ROR1: variants seen among roughly 807,000 people sequenced by gnomAD.
ROR1 encodes the protein inactive tyrosine-protein kinase transmembrane receptor ROR1.
In ROR1, 19 loss-of-function variants were observed where a neutral mutation model predicts 78.8. That is an observed-to-expected ratio of 0.24 (90% CI 0.17 to 0.35). ROR1 has a LOEUF of 0.35. Ranked by LOEUF, ROR1 falls within the 10% of genes least tolerant of loss-of-function variation. The pLI is 1.00. For missense variants in ROR1, 917 were observed against 1,177.8 expected (o/e 0.78, Z 3.24); for synonymous variants, 386 against 433.6 (o/e 0.89, Z 1.36).
chr1:63,840,143 C>G (rs967413433), intron 1 of ROR1, among the ~76,000 whole-genome samples: 1 of 152,138 alleles, frequency 6.6e-6, no homozygotes, highest in Non-Finnish European at 1.5e-5. Flanking sequence ...GGATTTTGTG[C>G]ATCCATCCAT....
At chr1:63,776,189 T>C (rs1461549178) in intron 1 of ROR1, among the ~76,000 whole-genome samples, 1 of 152,232 alleles carries the variant, frequency 6.6e-6, no homozygotes, top group Admixed American at 6.5e-5. Context: ...CTTTCAACAA[T>C]AGTTGCTTTT....
chr1:64,020,449 G>T (rs1418913777), intron 2 of ROR1, among the ~76,000 whole-genome samples: 1 of 152,150 alleles, frequency 6.6e-6, no homozygotes, highest in Non-Finnish European at 1.5e-5. Flanking sequence ...CTTCCCTTTG[G>T]ATACTCTACA....
At chr1:63,922,461 T>G (rs914930142) in intron 1 of ROR1, among the ~76,000 whole-genome samples, 2 of 152,198 alleles carry the variant, frequency 1.3e-5, no homozygotes, top group Non-Finnish European at 1.5e-5. Flanking sequence ...GTTCACTTTG[T>G]GCAGGTTATT....
intron 1 of ROR1, among the ~76,000 whole-genome samples, chr1:63,860,990 T>G (rs1645178403): frequency 6.6e-6 from 1 of 152,176 alleles, no homozygotes; most frequent in Non-Finnish European, 1.5e-5. Context: ...CATCCTTCCC[T>G]TCTCTTGACA....
At chr1:63,828,790 T>C (rs1644970026) in intron 1 of ROR1, among the ~76,000 whole-genome samples, 3 of 152,244 alleles carry the variant, frequency 2.0e-5, no homozygotes, top group Non-Finnish European at 4.4e-5. Context: ...AAGATGCAGC[T>C]GTTCCTCTCC....
intron 1 of ROR1, among the ~76,000 whole-genome samples, chr1:63,956,171 C>A (rs765003759): frequency 3.9e-5 from 6 of 152,174 alleles, no homozygotes; most frequent in African/African-American, 1.4e-4. Context: ...GGAACTGTCA[C>A]GGATGTTTCA....
chr1:63,905,417 G>T (rs1188030920), intron 1 of ROR1, among the ~76,000 whole-genome samples: 3 of 152,128 alleles, frequency 2.0e-5, no homozygotes, highest in African/African-American at 4.8e-5. Flanking sequence ...TAAAAATCAG[G>T]TGATGGGATT....
intron 1 of ROR1, among the ~76,000 whole-genome samples, chr1:63,848,180 T>G (rs1362812962): frequency 1.3e-5 from 2 of 152,238 alleles, no homozygotes; most frequent in African/African-American, 4.8e-5. Flanking sequence ...CCTTTGAATC[T>G]GTATTTAATG....
intron 1 of ROR1, among the ~76,000 whole-genome samples, chr1:63,959,631 A>G (rs1322540075): frequency 1.3e-5 from 2 of 152,078 alleles, no homozygotes; most frequent in Non-Finnish European, 2.9e-5. Context: ...TCTTTTTCTC[A>G]ACCTCTTCTT....
intron 1 of ROR1, among the ~76,000 whole-genome samples, chr1:63,811,766 G>T (rs1237997266): frequency 6.6e-6 from 1 of 151,980 alleles, no homozygotes; most frequent in Non-Finnish European, 1.5e-5. Flanking sequence ...ATAAGCTAAG[G>T]TTCCACTCCC....
intron 4 of ROR1, among the ~76,000 whole-genome samples, chr1:64,062,442 G>A (rs7537429): frequency 0.082 from 12,551 of 152,208 alleles, 573 homozygotes; most frequent in Non-Finnish European, 0.097. Flanking sequence ...CTCCCGGGTA[G>A]CTGGGACTAC....
chr1:64,041,243 G>T (rs1646743516), intron 2 of ROR1, among the ~76,000 whole-genome samples: 1 of 152,060 alleles, frequency 6.6e-6, no homozygotes, highest in Admixed American at 6.6e-5. Context: ...CATGTAAAAT[G>T]CCTGATAGAA....
intron 1 of ROR1, among the ~76,000 whole-genome samples, chr1:63,824,525 C>A (rs1263400817): frequency 6.6e-6 from 1 of 152,080 alleles, no homozygotes; most frequent in African/African-American, 2.4e-5. Context: ...TTGCAGTTTG[C>A]TGATCCCTGG....
At chr1:63,792,684 G>A (rs1644734350) in intron 1 of ROR1, among the ~76,000 whole-genome samples, 1 of 152,224 alleles carries the variant, frequency 6.6e-6, no homozygotes, top group Non-Finnish European at 1.5e-5. Context: ...AGGGCACCAT[G>A]AGAATATCAC....
intron 4 of ROR1, among the ~76,000 whole-genome samples, chr1:64,081,864 A>G (rs1647105420): frequency 2.0e-5 from 3 of 152,090 alleles, no homozygotes; most frequent in African/African-American, 4.8e-5. Context: ...TCTATAAAAT[A>G]TGTATAGAAA....
chr1:63,799,388 C>T (rs1644781835), intron 1 of ROR1, among the ~76,000 whole-genome samples: 1 of 152,210 alleles, frequency 6.6e-6, no homozygotes, highest in Non-Finnish European at 1.5e-5. Context: ...TTCTCCAATG[C>T]TAGCTGTGTC....
At chr1:63,875,340 G>T (rs1645278455) in intron 1 of ROR1, among the ~76,000 whole-genome samples, 1 of 152,160 alleles carries the variant, frequency 6.6e-6, no homozygotes, top group Non-Finnish European at 1.5e-5. Context: ...AGTGCAGTTA[G>T]TTTTTTCAGC....
In ROR1 at chr1:64,179,038, A is replaced by C. The variant is rs181080038; in HGVS notation, c.*183A>C. The C allele has an allele frequency of 0.025, 13,717 of 540,476 alleles. 802 individuals are homozygous for C. Among genetic ancestry groups the C allele is most frequent in the Non-Finnish European group, 0.033 (10,167 of 309,238 alleles). 33.5% of individuals were successfully genotyped at this position (540,476 alleles called of 1,614,324 possible). The stretch of plus-strand genomic sequence containing the variant: ...ACACTCGGCCAGAAAAAAAAAAAAA[A>C]AAAAAAAACAAGCAAACAAAAACAT... On this transcript the variant is annotated 3_prime_UTR_variant, in exon 9 of 9. Coordinates refer to ENST00000371079, the MANE Select transcript of ROR1 (RefSeq NM_005012.4).
At position 63,973,678 on chromosome 1, in the gene ROR1, G is replaced by A. The variant is rs889660965; in HGVS notation, c.92-35627G>A. On this transcript the variant is annotated intron_variant, in intron 1 of 8. Coordinates refer to ENST00000371079, the MANE Select transcript of ROR1 (RefSeq NM_005012.4). Reference sequence around the variant, plus strand: ...GGCATCAGCAACAGACTTGCTGGATGTTTGTTAAAAAAAACCCAATCCCTG... The same window carrying A: ...GGCATCAGCAACAGACTTGCTGGATATTTGTTAAAAAAAACCCAATCCCTG... Among the ~76,000 whole-genome samples the A allele has an allele frequency of 5.9e-5, 9 of 152,226 alleles. No individual in the cohort carries two copies. The East Asian group carries it at 1.7e-3, about 29-fold the overall frequency.
Sources: gnomAD v4.1 joint callset for allele counts (sites outside exome capture counted in the v4.1 genomes callset) on GRCh38, gnomAD v4.1.1 for gene constraint, MANE v1.5 for transcripts, NCBI Gene and HGNC (gene_info 2026-07-23, HGNC 2026-07-21) for gene names.